The following TENM1 variants were observed in gnomAD, a reference collection of about 807,000 sequenced individuals.
TENM1 encodes the protein teneurin transmembrane protein 1, also known as teneurin-1.
A neutral mutation model predicts 174.8 loss-of-function variants in TENM1; 35 were observed. That is an observed-to-expected ratio of 0.20 (90% CI 0.15 to 0.27). The LOEUF is 0.27. Ranked by LOEUF, TENM1 falls within the 10% of genes least tolerant of loss-of-function variation. TENM1 has a pLI of 1.00. For synonymous variants in TENM1, 781 were observed against 798.7 expected (o/e 0.98, Z 0.37); for missense variants, 1,633 against 2,130.1 (o/e 0.77, Z 4.59).
At chrX:124,733,436 C>T (rs1327508515) in intron 4 of TENM1, among the ~76,000 whole-genome samples, 3 of 112,016 alleles carry the variant, frequency 2.7e-5, no homozygotes. Context: ...TAGTGCTTTA[C>T]AGTATATGAG....
chrX:124,847,947 G>T (rs750397311), intron 3 of TENM1, among the ~76,000 whole-genome samples: 1 of 110,971 alleles, frequency 9.0e-6, no homozygotes, highest in East Asian at 2.8e-4. Context: ...AGCTATCAGC[G>T]GGCTTTTTAG....
chrX:125,029,946 C>A, the TENM1 span, among the ~76,000 whole-genome samples: 1 of 111,971 alleles, frequency 8.9e-6, no homozygotes, highest in Admixed American at 9.5e-5. Context: ...ATAATCCTAA[C>A]CTATTTACCG....
At chrX:124,943,614 A>G (rs976080679) in intron 1 of TENM1, among the ~76,000 whole-genome samples, 1 of 112,233 alleles carries the variant, frequency 8.9e-6, no homozygotes, top group Non-Finnish European at 1.9e-5. Flanking sequence ...TGCTTGTCCA[A>G]TTGAATTATC....
chrX:124,963,619 G>C (rs765045901), exon 1 of TENM1: 1 of 1,211,159 alleles, frequency 8.3e-7, no homozygotes, highest in South Asian at 1.8e-5. Context: ...ACTCGTGCAG[G>C]GTCTCCCTGG....
At chrX:124,669,123 T>C (rs1421052109) in intron 6 of TENM1, among the ~76,000 whole-genome samples, 2 of 112,218 alleles carry the variant, frequency 1.8e-5, no homozygotes, top group African/African-American at 6.5e-5. Context: ...TCAGACACTG[T>C]GCTATATGCT....
In TENM1 at chrX:124,903,410, A is replaced by G. The variant is rs182563867; in HGVS notation, c.218-7169T>C. 7.2e-5 allele frequency among the ~76,000 whole-genome samples: 8 copies of G among 111,875 alleles called. No individual in the cohort carries two copies. The East Asian group carries it at 2.0e-3, about 28-fold the overall frequency. The stretch of plus-strand genomic sequence containing the variant: ...CTGTAAAAATGGCTCAAATCAGAGG[A>G]CACAGAATTGTATCAGGACTCAAAA... On this transcript the variant is annotated intron_variant, in intron 1 of 31. Transcript: ENST00000422452.
At chrX:125,033,205 G>C in the TENM1 span, among the ~76,000 whole-genome samples, 1 of 111,712 alleles carries the variant, frequency 9.0e-6, no homozygotes, top group African/African-American at 3.3e-5. Context: ...TCTCAAAGAT[G>C]TAAGTTTTGA....
rs140345690 is a variant in TENM1, at chrX:124,710,227, C to T, written c.777-4976G>A. Reference sequence around the variant, plus strand: ...CGTAGGGATGTAGCCTCCCTACCTCCCCACTCCTGCCCTGTGGTTACTTTG... The same window carrying T: ...CGTAGGGATGTAGCCTCCCTACCTCTCCACTCCTGCCCTGTGGTTACTTTG... On this transcript the variant is annotated intron_variant, in intron 4 of 31. Coordinates refer to ENST00000422452, the Ensembl canonical transcript of TENM1. 7.6e-3 allele frequency among the ~76,000 whole-genome samples: 840 copies of T among 110,730 alleles called. 6 individuals carry two copies. Among genetic ancestry groups the T allele is most frequent in the African/African-American group, 0.026 (777 of 30,324 alleles).
chrX:125,070,210 A>AATG, the TENM1 span, among the ~76,000 whole-genome samples: 4 of 109,616 alleles, frequency 3.6e-5, no homozygotes, highest in Non-Finnish European at 7.6e-5. Context: ...TAATAATAAT[A>AATG]ATAATAGCCA....
At chrX:125,075,944 A>G in the TENM1 span, among the ~76,000 whole-genome samples, 14 of 111,564 alleles carry the variant, frequency 1.3e-4, no homozygotes, top group Admixed American at 1.2e-3. Flanking sequence ...CTCAAAATGA[A>G]TATCTTCTCT....
At chrX:124,809,843 GGAGA>G (rs4027522) in intron 3 of TENM1, among the ~76,000 whole-genome samples, 161 of 78,661 alleles carry the variant, frequency 2.0e-3, no homozygotes, top group African/African-American at 3.8e-3. Flanking sequence ...CATGACAGCA[GGAGA>G]GAGAGAGAGA....
At chrX:125,187,088 C>T in the TENM1 span, among the ~76,000 whole-genome samples, 168 of 111,595 alleles carry the variant, frequency 1.5e-3, 1 homozygote, top group African/African-American at 4.9e-3. Flanking sequence ...TGGTGAAACC[C>T]GGTCTCTATT....
At chrX:124,960,455 T>C (rs1282940511) in intron 1 of TENM1, among the ~76,000 whole-genome samples, 1 of 112,336 alleles carries the variant, frequency 8.9e-6, no homozygotes, top group Non-Finnish European at 1.9e-5. Context: ...ATAAGTTTCC[T>C]GCAAGCAGTC....
chrX:125,115,096 CA>C, the TENM1 span, among the ~76,000 whole-genome samples: 1 of 111,602 alleles, frequency 9.0e-6, no homozygotes, highest in Admixed American at 9.5e-5. Flanking sequence ...ATATGCAAAT[CA>C]ATAGACATAA....
the TENM1 span, among the ~76,000 whole-genome samples, chrX:125,170,599 T>A: frequency 9.0e-6 from 1 of 111,261 alleles, no homozygotes; most frequent in Non-Finnish European, 1.9e-5. Context: ...AAGAAGTTGA[T>A]TCTGAAGATT....
chrX:125,148,875 CTAAATAATTATAG>C, the TENM1 span, among the ~76,000 whole-genome samples: 2 of 111,635 alleles, frequency 1.8e-5, no homozygotes, highest in African/African-American at 6.5e-5. Context: ...TGTCCATCAC[CTAAATAATTATAG>C]TAAACTCCTA....
intron 3 of TENM1, among the ~76,000 whole-genome samples, chrX:124,858,257 C>A (rs1005505408): frequency 6.3e-5 from 7 of 111,816 alleles, no homozygotes; most frequent in African/African-American, 2.3e-4. Flanking sequence ...GCATTTTTTT[C>A]GACTTTATAT....
intron 11 of TENM1, among the ~76,000 whole-genome samples, chrX:124,612,719 G>T (rs2050306563): frequency 9.0e-6 from 1 of 110,811 alleles, no homozygotes; most frequent in Admixed American, 9.6e-5. Flanking sequence ...CTATTAACCT[G>T]AATGACCTCC....
intron 1 of TENM1, among the ~76,000 whole-genome samples, chrX:124,904,973 C>A (rs1003973197): frequency 1.8e-5 from 2 of 111,291 alleles, no homozygotes; most frequent in African/African-American, 3.3e-5. Flanking sequence ...GCTCTTCTGA[C>A]AGCCTGTTTT....
Sources: allele counts gnomAD v4.1 joint callset (sites outside exome capture counted in the v4.1 genomes callset), GRCh38; gene constraint gnomAD v4.1.1; transcripts MANE v1.5; gene names NCBI Gene and HGNC (gene_info 2026-07-23, HGNC 2026-07-21).